The following SAMD12 variants were observed in gnomAD, a reference collection of about 807,000 sequenced individuals.
SAMD12 encodes sterile alpha motif domain-containing protein 12.
In SAMD12, 9 loss-of-function variants were observed where a neutral mutation model predicts 15.0. The observed-to-expected ratio is 0.60, with a 90% confidence interval of 0.36 to 1.05. The LOEUF (loss-of-function observed/expected upper bound fraction) is 1.05, where lower values mean the gene tolerates loss of function less well. Ranked by LOEUF, SAMD12 falls within the 50% of genes least tolerant of loss-of-function variation. SAMD12 has a pLI of 0.01. For missense variants in SAMD12, 230 were observed against 234.2 expected, an observed-to-expected ratio of 0.98 and a Z score of 0.12; for synonymous variants, 86 against 90.1, an observed-to-expected ratio of 0.96 and a Z score of 0.25.
intron 3 of SAMD12, among the ~76,000 whole-genome samples, chr8:118,422,995 G>A (rs1028833651): frequency 6.6e-6 from 1 of 152,092 alleles, no homozygotes; most frequent in African/African-American, 2.4e-5. Flanking sequence ...GCAACACGGT[G>A]AAAACCTGCC....
At chr8:118,591,390 C>G (rs905592275) in intron 1 of SAMD12, among the ~76,000 whole-genome samples, 2 of 152,088 alleles carry the variant, frequency 1.3e-5, no homozygotes, top group Non-Finnish European at 2.9e-5. Context: ...AATGGCAATA[C>G]TAATATTACC....
At chr8:118,590,504 TC>T (rs1354483958) in intron 1 of SAMD12, among the ~76,000 whole-genome samples, 1 of 152,218 alleles carries the variant, frequency 6.6e-6, no homozygotes, top group African/African-American at 2.4e-5. Context: ...TCAGAGGAAG[TC>T]TGGTAGACAG....
At chr8:118,509,842 G>A (rs978259195) in intron 2 of SAMD12, among the ~76,000 whole-genome samples, 1 of 152,210 alleles carries the variant, frequency 6.6e-6, no homozygotes. Context: ...GAAGGGTGAT[G>A]TCTGTGTAAT....
At chr8:118,323,887 T>G (rs558041054) in intron 4 of SAMD12, among the ~76,000 whole-genome samples, 1 of 152,242 alleles carries the variant, frequency 6.6e-6, no homozygotes, top group East Asian at 1.9e-4. Context: ...GGGGAAACCT[T>G]TAATTCACTT....
intron 2 of SAMD12, among the ~76,000 whole-genome samples, chr8:118,490,632 G>A (rs2515018): frequency 0.45 from 67,595 of 151,850 alleles, 15,496 homozygotes; most frequent in East Asian, 0.63. Context: ...GGAATACCAC[G>A]TCAATTCCTT....
chr8:118,279,827 G>C (rs1474085740), intron 4 of SAMD12, among the ~76,000 whole-genome samples: 1 of 152,178 alleles, frequency 6.6e-6, no homozygotes, highest in Non-Finnish European at 1.5e-5. Flanking sequence ...TTTCTTTTCA[G>C]GGCAAATTAT....
At chr8:118,389,202 G>A (rs888803707) in intron 3 of SAMD12, among the ~76,000 whole-genome samples, 7 of 152,100 alleles carry the variant, frequency 4.6e-5, no homozygotes, top group South Asian at 2.1e-4. Flanking sequence ...GTTAATCATC[G>A]GTAAATGTAT....
chr8:118,504,347 T>G (rs894853273), intron 2 of SAMD12, among the ~76,000 whole-genome samples: 3 of 152,190 alleles, frequency 2.0e-5, no homozygotes, highest in Non-Finnish European at 4.4e-5. Flanking sequence ...GCAAGGTCCA[T>G]CTAATCCTCA....
chr8:118,293,105 ATT>A (rs34595061), intron 4 of SAMD12, among the ~76,000 whole-genome samples: 2 of 150,760 alleles, frequency 1.3e-5, no homozygotes, highest in African/African-American at 4.9e-5. Flanking sequence ...CAAATTGGGC[ATT>A]TTTTTTTTCT....
At chr8:118,527,925 G>A (rs1825574670) in intron 2 of SAMD12, among the ~76,000 whole-genome samples, 1 of 152,098 alleles carries the variant, frequency 6.6e-6, no homozygotes, top group South Asian at 2.1e-4. Flanking sequence ...CTGGAATAAA[G>A]CCTACTTAGT....
intron 4 of SAMD12, among the ~76,000 whole-genome samples, chr8:118,318,100 C>T (rs34458847): frequency 1.3e-5 from 2 of 151,230 alleles, no homozygotes; most frequent in East Asian, 1.9e-4. Flanking sequence ...ACTGCTGGTG[C>T]GAATGTAATT....
chr8:118,607,769 T>C (rs1049422720), intron 1 of SAMD12, among the ~76,000 whole-genome samples: 4 of 152,196 alleles, frequency 2.6e-5, no homozygotes, highest in Non-Finnish European at 5.9e-5. Flanking sequence ...ATTTTGTAGT[T>C]ACAACACTCC....
the SAMD12 span, among the ~76,000 whole-genome samples, chr8:118,174,575 G>A: frequency 2.6e-5 from 4 of 152,112 alleles, no homozygotes; most frequent in East Asian, 7.7e-4. Context: ...ACTTCCAGGA[G>A]CTGACATTCC....
At chr8:118,236,863 T>A (rs1015618523) in intron 4 of SAMD12, among the ~76,000 whole-genome samples, 14 of 152,178 alleles carry the variant, frequency 9.2e-5, no homozygotes, top group African/African-American at 3.1e-4. Context: ...CCAGGTAAAG[T>A]CATGCTGCAA....
At chr8:118,152,454 C>CCTTCCTTCCTTCCTT in the SAMD12 span, among the ~76,000 whole-genome samples, 5 of 144,278 alleles carry the variant, frequency 3.5e-5, no homozygotes, top group Non-Finnish European at 6.0e-5. Context: ...CTCCCTCCCT[C>CCTTCCTTCCTTCCTT]CCTACCTTCC....
intron 3 of SAMD12, among the ~76,000 whole-genome samples, chr8:118,396,190 C>G (rs545149472): frequency 6.6e-6 from 1 of 152,066 alleles, no homozygotes; most frequent in Non-Finnish European, 1.5e-5. Context: ...CACATGCAAG[C>G]TCTGTGAGCT....
intron 2 of SAMD12, among the ~76,000 whole-genome samples, chr8:118,491,405 A>C (rs2515020): frequency 0.45 from 67,766 of 151,998 alleles, 15,558 homozygotes; most frequent in East Asian, 0.63. Context: ...CATTCAACTA[A>C]AGAATTCATG....
At chr8:118,335,442 C>T (rs540766757) in intron 4 of SAMD12, among the ~76,000 whole-genome samples, 4 of 152,252 alleles carry the variant, frequency 2.6e-5, no homozygotes, top group African/African-American at 9.6e-5. Flanking sequence ...CTACTTTGTC[C>T]GAAGTCCCAA....
At chr8:118,448,415 C>T (rs564156581) in intron 2 of SAMD12, among the ~76,000 whole-genome samples, 31 of 152,306 alleles carry the variant, frequency 2.0e-4, no homozygotes, top group South Asian at 8.3e-4. Flanking sequence ...TGACAAGGGT[C>T]TTTCTTAATT....
Sources: allele counts gnomAD v4.1 joint callset (sites outside exome capture counted in the v4.1 genomes callset), GRCh38; gene constraint gnomAD v4.1.1; transcripts MANE v1.5; gene names NCBI Gene and HGNC (gene_info 2026-07-23, HGNC 2026-07-21).